The following DNM3 variants were observed in gnomAD, a reference collection of about 807,000 sequenced individuals.
DNM3 encodes the protein dynamin-3.
A neutral mutation model predicts 101.6 loss-of-function variants in DNM3; 47 were observed. The observed-to-expected ratio is 0.46, with a 90% CI of 0.37 to 0.59. The LOEUF (loss-of-function observed/expected upper bound fraction) is 0.59, where lower values mean the gene tolerates loss of function less well. Among genes scored for constraint, DNM3 ranks in the 20% least tolerant of loss-of-function variants. The pLI, the probability that DNM3 is intolerant of heterozygous loss-of-function variation, is 0.00. For synonymous variants in DNM3, 385 were observed against 387.9 expected, an observed-to-expected ratio of 0.99 and a Z score of 0.09; for missense variants, 849 against 1,085.7, an observed-to-expected ratio of 0.78 and a Z score of 3.06.
At chr1:172,315,854 C>G (rs1271761403) in intron 16 of DNM3, among the ~76,000 whole-genome samples, 1 of 152,118 alleles carries the variant, frequency 6.6e-6, no homozygotes, top group Non-Finnish European at 1.5e-5. Flanking sequence ...TCTAGCAAGG[C>G]AGGCCAACGT....
At chr1:172,226,833 G>A (rs989767293) in intron 14 of DNM3, among the ~76,000 whole-genome samples, 62 of 152,108 alleles carry the variant, frequency 4.1e-4, no homozygotes, top group African/African-American at 1.4e-3. Context: ...CATTTCTTTA[G>A]GGTATATTAC....
chr1:171,895,467 CA>C (rs1179002945), intron 1 of DNM3, among the ~76,000 whole-genome samples: 2 of 152,156 alleles, frequency 1.3e-5, no homozygotes, highest in African/African-American at 4.8e-5. Flanking sequence ...ATCCTTTGCC[CA>C]CTTTTTGATG....
At chr1:172,129,532 A>G (rs1216341575) in intron 13 of DNM3, among the ~76,000 whole-genome samples, 3 of 152,200 alleles carry the variant, frequency 2.0e-5, no homozygotes, top group Admixed American at 6.6e-5. Context: ...TTACAGTTCC[A>G]CATGGCTGGG....
intron 2 of DNM3, among the ~76,000 whole-genome samples, chr1:171,961,511 G>T (rs985209793): frequency 2.6e-5 from 4 of 152,138 alleles, no homozygotes; most frequent in African/African-American, 9.7e-5. Flanking sequence ...ATGGAAATTG[G>T]TACAGCCATT....
At chr1:171,923,779 C>A (rs1173166254) in intron 2 of DNM3, among the ~76,000 whole-genome samples, 1 of 152,034 alleles carries the variant, frequency 6.6e-6, no homozygotes, top group African/African-American at 2.4e-5. Context: ...GAAACTATCA[C>A]CCAAATAGTA....
intron 17 of DNM3, among the ~76,000 whole-genome samples, chr1:172,372,394 C>A (rs1331846981): frequency 6.6e-6 from 1 of 151,772 alleles, no homozygotes; most frequent in East Asian, 1.9e-4. Context: ...GCAAGATTTA[C>A]CATCCAGAAT....
intron 1 of DNM3, among the ~76,000 whole-genome samples, chr1:171,878,791 C>T (rs1280730723): frequency 6.6e-6 from 1 of 152,022 alleles, no homozygotes; most frequent in African/African-American, 2.4e-5. Context: ...AAGCAGATTC[C>T]AACTACTTCA....
intron 1 of DNM3, among the ~76,000 whole-genome samples, chr1:171,916,823 C>T (rs1223560436): frequency 1.3e-5 from 2 of 152,170 alleles, no homozygotes; most frequent in African/African-American, 2.4e-5. Flanking sequence ...TGGCTTCCTT[C>T]TGTAGACTCT....
Position 172,010,301 on chromosome 1 carries a change from T to A in DNM3, c.589+21153T>A, listed in dbSNP as rs527459463. On this transcript the variant is annotated intron_variant, in intron 4 of 20. Transcript: ENST00000627582. Reference sequence around the variant, plus strand: ...CACTTATTATTTGCAAAGGTTTTTTTAAATACCTTTGTGTAGATTTCAGTT... The same window carrying A: ...CACTTATTATTTGCAAAGGTTTTTTAAAATACCTTTGTGTAGATTTCAGTT... Among the ~76,000 whole-genome samples, 26 of 152,058 alleles carry A rather than the reference T, an allele frequency of 1.7e-4. 1 individual carries two copies. The highest frequency in any genetic ancestry group is 9.2e-4 in the Admixed American group (14 of 15,238).
At chr1:171,952,691 A>T (rs2042605263) in intron 2 of DNM3, among the ~76,000 whole-genome samples, 1 of 152,202 alleles carries the variant, frequency 6.6e-6, no homozygotes. Context: ...AATTTAGTAC[A>T]TGGAATTTAT....
chr1:172,352,190 G>A lies in DNM3; in HGVS notation c.1894-26828G>A, dbSNP rs543224989. Among the ~76,000 whole-genome samples the A allele has an allele frequency of 1.2e-4, 19 of 152,300 alleles. No individual in the cohort carries two copies. The South Asian group carries it at 3.3e-3, about 27-fold the overall frequency. Reference sequence around the variant, plus strand: ...GCTGTCACTACAAATCTCACTGTGAGTGTTAAGAATTCATGAAGAAATTCC... The same window carrying A: ...GCTGTCACTACAAATCTCACTGTGAATGTTAAGAATTCATGAAGAAATTCC... On this transcript the variant is annotated intron_variant, in intron 17 of 20. Transcript: ENST00000627582.
intron 2 of DNM3, among the ~76,000 whole-genome samples, chr1:171,944,744 A>T (rs1390560721): frequency 1.3e-5 from 2 of 151,798 alleles, no homozygotes; most frequent in Non-Finnish European, 2.9e-5. Context: ...ATAGTGCCTA[A>T]GGAATGTTGG....
At chr1:172,319,932 CAT>C (rs1228255355) in intron 16 of DNM3, among the ~76,000 whole-genome samples, 3 of 152,066 alleles carry the variant, frequency 2.0e-5, no homozygotes, top group African/African-American at 7.3e-5. Flanking sequence ...CACATGCACA[CAT>C]ATGTTTATTG....
chr1:172,200,550 T>G (rs2060116678), intron 14 of DNM3, among the ~76,000 whole-genome samples: 1 of 152,208 alleles, frequency 6.6e-6, no homozygotes, highest in African/African-American at 2.4e-5. Flanking sequence ...CAGTGATTTG[T>G]AGATTTGGCA....
intron 2 of DNM3, among the ~76,000 whole-genome samples, chr1:171,969,265 G>A (rs908870688): frequency 1.1e-4 from 17 of 152,148 alleles, no homozygotes; most frequent in African/African-American, 3.9e-4. Flanking sequence ...CTCAAAGAAG[G>A]GCCACATGGT....
At chr1:172,034,353 A>G (rs10489730) in intron 6 of DNM3, among the ~76,000 whole-genome samples, 56,715 of 151,850 alleles carry the variant, frequency 0.37, 11,150 homozygotes, top group East Asian at 0.69. Flanking sequence ...CTCTACCAAT[A>G]TATTTTGCAC....
chr1:172,225,049 G>A (rs2061053239), intron 14 of DNM3, among the ~76,000 whole-genome samples: 1 of 151,200 alleles, frequency 6.6e-6, no homozygotes, highest in South Asian at 2.1e-4. Context: ...TAGGACTCAG[G>A]TTTCCTGCCA....
intron 14 of DNM3, among the ~76,000 whole-genome samples, chr1:172,210,694 G>T (rs1341067193): frequency 6.6e-6 from 1 of 152,112 alleles, no homozygotes; most frequent in Non-Finnish European, 1.5e-5. Flanking sequence ...TTTGTAAGAT[G>T]AATTCAATTT....
chr1:171,933,242 G>A (rs920986259), intron 2 of DNM3, among the ~76,000 whole-genome samples: 3 of 152,178 alleles, frequency 2.0e-5, no homozygotes, highest in African/African-American at 7.2e-5. Context: ...TTGGGTTGAC[G>A]GTGGGCTAAT....
Sources: gnomAD v4.1 joint callset for allele counts (sites outside exome capture counted in the v4.1 genomes callset) on GRCh38, gnomAD v4.1.1 for gene constraint, MANE v1.5 for transcripts, NCBI Gene and HGNC (gene_info 2026-07-23, HGNC 2026-07-21) for gene names.